ZNF713: variants seen among roughly 807,000 people sequenced by gnomAD.
ZNF713 encodes the protein zinc finger protein 713.
In ZNF713, 21 loss-of-function variants were observed where a neutral mutation model predicts 28.7. The observed-to-expected ratio is 0.73, with a 90% CI of 0.52 to 1.05. The LOEUF is 1.05. Ranked by LOEUF, ZNF713 falls within the 50% of genes least tolerant of loss-of-function variation. The probability of loss-of-function intolerance (pLI) is 0.00; values close to 1 mark genes in which losing one functional copy is unlikely to be tolerated. For missense variants in ZNF713, 458 were observed against 532.4 expected (o/e 0.86, Z 1.37); for synonymous variants, 167 against 178.0 (o/e 0.94, Z 0.49).
chr7:55,888,059 C>CT (rs1373087711), intron 1 of ZNF713, among the ~76,000 whole-genome samples: 2 of 152,046 alleles, frequency 1.3e-5, no homozygotes, highest in Non-Finnish European at 2.9e-5. Context: ...GGGAATGACT[C>CT]TGAGGCTGAA....
intron 4 of ZNF713, among the ~76,000 whole-genome samples, chr7:55,919,729 T>C (rs1785957060): frequency 6.6e-6 from 1 of 151,992 alleles, no homozygotes; most frequent in African/African-American, 2.4e-5. Flanking sequence ...AAAATACACA[T>C]ACTATAAATG....
chr7:55,939,474 T>C lies in ZNF713; in HGVS notation c.800T>C (p.Phe267Ser), dbSNP rs1173690358. The C allele has an allele frequency of 6.2e-7, 1 of 1,614,032 alleles. No individual in the cohort carries two copies. The highest frequency in any genetic ancestry group is 1.3e-5 in the African/African-American group (1 of 74,930). The change falls in exon 7 of 7, where the codon TTC becomes TCC. Residue 267 changes from phenylalanine (F) to serine (S), a missense_variant. Transcript: ENST00000429591. The stretch of plus-strand genomic sequence containing the variant: ...AAACCCAGTGAGTGTGGGAAGGCCT[T>C]CAGCCACACCTCATCTCTTAGCCAG... ...AEKPSECGKA[F>S]SHTSSLSQPQ...
intron 1 of ZNF713, among the ~76,000 whole-genome samples, chr7:55,889,065 T>G (rs975830178): frequency 2.6e-5 from 4 of 151,628 alleles, no homozygotes; most frequent in Non-Finnish European, 4.4e-5. Context: ...ATAAATGTTT[T>G]AAGCAAATCC....
chr7:55,891,908 T>G (rs1430590958), intron 1 of ZNF713, among the ~76,000 whole-genome samples: 1 of 152,022 alleles, frequency 6.6e-6, no homozygotes, highest in African/African-American at 2.4e-5. Flanking sequence ...AATTAAATCA[T>G]AGAAAAAAAG....
Position 55,939,611 on chromosome 7 carries a change from C to T in ZNF713, c.937C>T (p.Pro313Ser). ...TCAGAGAATTCACACAGGAGAAAAG[C>T]CTTTTATATGCAATGGATGTGGGAA... ...QHQRIHTGEK[P>S]FICNGCGKAF... The change falls in exon 7 of 7, where the codon CCT becomes TCT. Residue 313 changes from proline to serine, a missense_variant. Transcript: ENST00000429591. 8.1e-6 allele frequency: 13 copies of T among 1,614,146 alleles called. No homozygotes were observed. Among genetic ancestry groups the T allele is most frequent in the South Asian group, 1.1e-5 (1 of 91,074 alleles).
intron 6 of ZNF713, among the ~76,000 whole-genome samples, chr7:55,935,492 A>C (rs1786326938): frequency 6.6e-6 from 1 of 152,144 alleles, no homozygotes; most frequent in African/African-American, 2.4e-5. Context: ...ATACATACAC[A>C]TAGTTACTCA....
intron 6 of ZNF713, among the ~76,000 whole-genome samples, chr7:55,934,310 G>C (rs903305630): frequency 2.6e-5 from 4 of 151,962 alleles, no homozygotes; most frequent in Admixed American, 1.3e-4. Context: ...CAGATCCCCA[G>C]TACCACCAAA....
chr7:55,925,519 G>A (rs2116245084), intron 6 of ZNF713, among the ~76,000 whole-genome samples: 2 of 152,250 alleles, frequency 1.3e-5, no homozygotes, highest in South Asian at 4.1e-4. Flanking sequence ...TACCTGGGAG[G>A]CTGAAGCAAG....
Position 55,940,047 on chromosome 7 carries a change from G to T in ZNF713, c.*41G>T. 2 of 1,511,766 alleles carry T rather than the reference G, an allele frequency of 1.3e-6. No homozygotes were observed. The highest frequency in any genetic ancestry group is 8.8e-7 in the Non-Finnish European group (1 of 1,132,810). The allele number at this position is 1,511,766 out of a possible 1,614,324, so 93.6% of individuals were successfully genotyped here. A position where few individuals can be genotyped will look rare whatever the true frequency, so the allele number is the denominator to read the frequency against. On this transcript the variant is annotated 3_prime_UTR_variant, in exon 7 of 7. Coordinates refer to ENST00000429591, the MANE Select transcript of ZNF713 (RefSeq NM_182633.3). ...ATCAGATAAATATATAAATGTAGGA[G>T]ATTTTTTGGTCAGACCTTTTTATCC... is the stretch of plus-strand genomic sequence containing the variant.
intron 6 of ZNF713, among the ~76,000 whole-genome samples, chr7:55,931,880 T>G (rs941928688): frequency 6.6e-6 from 1 of 152,162 alleles, no homozygotes; most frequent in Non-Finnish European, 1.5e-5. Context: ...AGTAGGAGCC[T>G]AGAGGACCAT....
At chr7:55,938,382 A>G (rs1410090616) in intron 6 of ZNF713, among the ~76,000 whole-genome samples, 4 of 151,596 alleles carry the variant, frequency 2.6e-5, no homozygotes, top group African/African-American at 9.7e-5. Flanking sequence ...TTTCATATAT[A>G]CCTGTGTGTA....
rs561565432 is a variant in ZNF713 at position 55,929,781 on chromosome 7, G to T, written c.307+6082G>T. Among the ~76,000 whole-genome samples, 7 of 151,702 alleles carry T rather than the reference G, an allele frequency of 4.6e-5. No individual in the cohort carries two copies. The South Asian group carries it at 1.5e-3, about 32-fold the overall frequency. On this transcript the variant is annotated intron_variant, in intron 6 of 6. Coordinates refer to ENST00000429591, the MANE Select transcript of ZNF713 (RefSeq NM_182633.3). ...AAAAACTGGAGAGAGAGACCTGGAA[G>T]AAAACATGGGAGACATCTTTTATAA...
At chr7:55,914,358 G>T (rs1205562775) in intron 4 of ZNF713, among the ~76,000 whole-genome samples, 3 of 151,770 alleles carry the variant, frequency 2.0e-5, no homozygotes, top group African/African-American at 7.3e-5. Context: ...GATTTTTTTG[G>T]TTTGTTTTTT....
chr7:55,905,367 C>G (rs947401934), intron 1 of ZNF713, among the ~76,000 whole-genome samples: 1 of 152,106 alleles, frequency 6.6e-6, no homozygotes, highest in African/African-American at 2.4e-5. Context: ...AAAATCACTA[C>G]ATTAGACTCA....
intron 6 of ZNF713, among the ~76,000 whole-genome samples, chr7:55,936,110 T>C (rs1302251188): frequency 1.3e-5 from 2 of 150,628 alleles, no homozygotes; most frequent in Admixed American, 1.3e-4. Context: ...ACTAAAAATA[T>C]AAAAATTAGC....
At chr7:55,910,343 G>A (rs1785763386) in intron 2 of ZNF713, among the ~76,000 whole-genome samples, 1 of 152,158 alleles carries the variant, frequency 6.6e-6, no homozygotes. Flanking sequence ...AATAGTAGTG[G>A]TGAGAGTGTG....
In ZNF713 at chr7:55,887,877, C is replaced by CGGGA. The variant is rs1280953507; in HGVS notation, c.-583+199_-583+200insGAGG. On this transcript the variant is annotated intron_variant, in intron 1 of 6. Coordinates refer to ENST00000429591, the MANE Select transcript of ZNF713 (RefSeq NM_182633.3). The stretch of plus-strand genomic sequence containing the variant: ...GGCGGGCGGCGGGCGGCGGCGGCGG[C>CGGGA]GGCGGCGGCGGGCGGCGGCGGCGGC... Among the ~76,000 whole-genome samples the CGGGA allele has an allele frequency of 3.9e-3, 89 of 22,842 alleles. 26 individuals are homozygous for CGGGA. The highest frequency in any genetic ancestry group is 0.022 in the African/African-American group (79 of 3,610). 15.0% of individuals were successfully genotyped at this position (22,842 alleles called of 152,430 possible).
intron 6 of ZNF713, among the ~76,000 whole-genome samples, chr7:55,933,076 A>G (rs1786273914): frequency 6.7e-6 from 1 of 149,768 alleles, no homozygotes; most frequent in African/African-American, 2.5e-5. Context: ...TCTCTATTAA[A>G]AATACAAAAA....
In ZNF713 at chr7:55,939,419, C is replaced by T; in HGVS notation, c.745C>T (p.Leu249Phe). 6.2e-7 allele frequency: 1 copy of T among 1,613,904 alleles called. No homozygotes were observed. Among genetic ancestry groups the T allele is most frequent in the South Asian group, 1.1e-5 (1 of 91,068 alleles). ...TGGAAAAATCTTCAATCAACATATT[C>T]TTCTTACTGATCATATTCATACTGC... Reference protein sequence around the residue: ...ECGKIFNQHILLTDHIHTAEK... With the variant: ...ECGKIFNQHIFLTDHIHTAEK... The change falls in exon 7 of 7, where the codon CTT (leucine) becomes TTT (phenylalanine). Residue 249 changes from leucine (L) to phenylalanine (F), a missense_variant. Transcript: ENST00000429591.
Sources: allele counts gnomAD v4.1 joint callset (sites outside exome capture counted in the v4.1 genomes callset), GRCh38; gene constraint gnomAD v4.1.1; transcripts MANE v1.5; gene names NCBI Gene and HGNC (gene_info 2026-07-23, HGNC 2026-07-21).